The following MDGA2 variants were observed in gnomAD, a reference collection of about 807,000 sequenced individuals.
The protein encoded by MDGA2 is MAM domain containing glycosylphosphatidylinositol anchor 2, also known as MAM domain-containing glycosylphosphatidylinositol anchor protein 2.
Under a neutral mutation model 117.8 loss-of-function variants are expected in MDGA2, and 40 were observed. That is an observed-to-expected ratio of 0.34 (90% confidence interval 0.26 to 0.44). The LOEUF (loss-of-function observed/expected upper bound fraction) is 0.44. Ranked by LOEUF, MDGA2 falls within the 20% of genes least tolerant of loss-of-function variation. The probability of loss-of-function intolerance (pLI) is 1.00; values close to 1 mark genes in which losing one functional copy is unlikely to be tolerated. For synonymous variants in MDGA2, 452 were observed against 439.0 expected (o/e 1.03, Z -0.37); for missense variants, 1,123 against 1,250.6 (o/e 0.90, Z 1.54).
chr14:46,987,301 G>C (rs936392521), intron 8 of MDGA2, among the ~76,000 whole-genome samples: 8 of 152,022 alleles, frequency 5.3e-5, no homozygotes, highest in Non-Finnish European at 2.9e-5. Context: ...GAGTCCTCTT[G>C]GTTAATGCTG....
At chr14:47,521,807 G>T (rs1047314752) in intron 1 of MDGA2, among the ~76,000 whole-genome samples, 1 of 152,030 alleles carries the variant, frequency 6.6e-6, no homozygotes, top group Admixed American at 6.6e-5. Context: ...GAGTAGCTGG[G>T]ATAACAGGTG....
At chr14:47,015,069 G>A (rs564558178) in intron 8 of MDGA2, among the ~76,000 whole-genome samples, 25 of 152,168 alleles carry the variant, frequency 1.6e-4, no homozygotes, top group South Asian at 1.5e-3. Flanking sequence ...CAGTGAATAG[G>A]GAGACCCAAG....
At chr14:46,896,146 G>T (rs1883067258) in intron 10 of MDGA2, among the ~76,000 whole-genome samples, 1 of 151,962 alleles carries the variant, frequency 6.6e-6, no homozygotes, top group South Asian at 2.1e-4. Flanking sequence ...ATATCCATTT[G>T]GGCAGTCATT....
At chr14:47,473,411 G>T (rs1011014467) in intron 1 of MDGA2, among the ~76,000 whole-genome samples, 2 of 152,158 alleles carry the variant, frequency 1.3e-5, no homozygotes, top group Non-Finnish European at 2.9e-5. Flanking sequence ...GTGCCTAAGA[G>T]AATATATTGT....
chr14:47,470,152 C>T (rs1009653841), intron 1 of MDGA2, among the ~76,000 whole-genome samples: 6 of 150,804 alleles, frequency 4.0e-5, no homozygotes, highest in Non-Finnish European at 5.9e-5. Flanking sequence ...TTCTGGGTTA[C>T]AAGTGCAGAA....
chr14:47,038,667 G>T (rs1475208305), intron 7 of MDGA2, among the ~76,000 whole-genome samples: 1 of 152,052 alleles, frequency 6.6e-6, no homozygotes, highest in Non-Finnish European at 1.5e-5. Flanking sequence ...GCTAGATGCG[G>T]TGGCTCATGC....
At chr14:47,428,123 T>C (rs1198662256) in intron 1 of MDGA2, among the ~76,000 whole-genome samples, 1 of 152,190 alleles carries the variant, frequency 6.6e-6, no homozygotes, top group African/African-American at 2.4e-5. Flanking sequence ...TATCATTATA[T>C]TCTTTATCCC....
chr14:46,894,831 G>C (rs1217794619), intron 10 of MDGA2, among the ~76,000 whole-genome samples: 2 of 152,100 alleles, frequency 1.3e-5, no homozygotes, highest in African/African-American at 4.8e-5. Context: ...AGCAGCTTCT[G>C]ATAAATTACT....
intron 1 of MDGA2, among the ~76,000 whole-genome samples, chr14:47,329,516 A>G (rs1254790557): frequency 6.6e-6 from 1 of 152,114 alleles, no homozygotes; most frequent in East Asian, 1.9e-4. Flanking sequence ...CTCACTTCCC[A>G]TTAATGAGCA....
intron 3 of MDGA2, among the ~76,000 whole-genome samples, chr14:47,145,936 A>C (rs1022176547): frequency 6.6e-6 from 1 of 152,102 alleles, no homozygotes; most frequent in Non-Finnish European, 1.5e-5. Context: ...CTTATTATAA[A>C]TAGGTAAAAT....
In MDGA2 at chr14:47,548,704, G is replaced by A. The variant is rs868547972; in HGVS notation, c.280+125813C>T. Among the ~76,000 whole-genome samples the A allele has an allele frequency of 2.6e-5, 4 of 152,226 alleles. No homozygotes were observed. The Middle Eastern group carries it at 0.01, about 388-fold the overall frequency. ...AAGCCTCGAGATCAGTCAAGGGTGA[G>A]AAATTAAGGTCTTCTGAATTCCTTT... On this transcript the variant is annotated intron_variant, in intron 1 of 16. Coordinates refer to ENST00000399232, the MANE Select transcript of MDGA2 (RefSeq NM_001113498.3).
intron 13 of MDGA2, 119 bp downstream of exon 13, chr14:46,873,926 A>G (rs1882120076): frequency 1.1e-6 from 1 of 948,580 alleles, no homozygotes; most frequent in South Asian, 2.4e-5. Flanking sequence ...TACTGTACAG[A>G]AAATTTAATA....
intron 6 of MDGA2, among the ~76,000 whole-genome samples, chr14:47,066,119 G>A (rs1035241222): frequency 2.6e-5 from 4 of 152,132 alleles, no homozygotes; most frequent in Non-Finnish European, 4.4e-5. Flanking sequence ...GATAGTAAAC[G>A]ATAGTATGTA....
chr14:46,959,018 C>T (rs1344385575), intron 8 of MDGA2, among the ~76,000 whole-genome samples: 1 of 152,078 alleles, frequency 6.6e-6, no homozygotes, highest in Non-Finnish European at 1.5e-5. Context: ...TTTTTGCCTA[C>T]TTATTCCAGT....
At chr14:47,162,397 C>T (rs536298903) in intron 3 of MDGA2, among the ~76,000 whole-genome samples, 2 of 152,152 alleles carry the variant, frequency 1.3e-5, no homozygotes, top group Non-Finnish European at 2.9e-5. Context: ...TCACTGGCTA[C>T]AGGATTCCTG....
intron 1 of MDGA2, among the ~76,000 whole-genome samples, chr14:47,638,858 G>A (rs2138240437): frequency 6.6e-6 from 1 of 152,190 alleles, no homozygotes; most frequent in East Asian, 1.9e-4. Flanking sequence ...TTATTAAAAT[G>A]GTCAAGCCTC....
chr14:47,452,793 C>T (rs1201277620), intron 1 of MDGA2, among the ~76,000 whole-genome samples: 4 of 151,842 alleles, frequency 2.6e-5, no homozygotes, highest in Non-Finnish European at 5.9e-5. Context: ...AATACTAAGA[C>T]AAAATAGCTA....
intron 5 of MDGA2, among the ~76,000 whole-genome samples, chr14:47,104,261 G>C (rs1043438023): frequency 6.6e-6 from 1 of 151,920 alleles, no homozygotes; most frequent in Non-Finnish European, 1.5e-5. Context: ...TGCCCAGATG[G>C]CCTGAAGTAA....
chr14:47,308,012 T>C (rs1889512298), intron 1 of MDGA2, among the ~76,000 whole-genome samples: 1 of 152,068 alleles, frequency 6.6e-6, no homozygotes, highest in South Asian at 2.1e-4. Flanking sequence ...GTTACATAAG[T>C]AGACAGCCGA....
Sources: gnomAD v4.1 joint callset for allele counts (sites outside exome capture counted in the v4.1 genomes callset) on GRCh38, gnomAD v4.1.1 for gene constraint, MANE v1.5 for transcripts, NCBI Gene and HGNC (gene_info 2026-07-23, HGNC 2026-07-21) for gene names.